Variants in LIN28B observed in about 807,000 individuals in gnomAD.
LIN28B encodes the protein lin-28 RNA binding posttranscriptional regulator B.
In LIN28B, 5 loss-of-function variants were observed where a neutral mutation model predicts 21.9. The ratio of observed to expected loss-of-function variants is 0.23; its 90% CI spans 0.12 to 0.48. The LOEUF (loss-of-function observed/expected upper bound fraction) is 0.48, where lower values mean the gene tolerates loss of function less well. Among genes scored for constraint, LIN28B ranks in the 20% least tolerant of loss-of-function variants. The probability of loss-of-function intolerance (pLI) is 0.98; values close to 1 mark genes in which losing one functional copy is unlikely to be tolerated. For synonymous variants in LIN28B, 109 were observed against 111.3 expected (o/e 0.98, Z 0.13); for missense variants, 245 against 310.5 (o/e 0.79, Z 1.58).
chr6:104,969,458 A>G (rs79473723), intron 2 of LIN28B, among the ~76,000 whole-genome samples: 3,304 of 151,952 alleles, frequency 0.022, 128 homozygotes, highest in African/African-American at 0.077. Context: ...CAACAACAAC[A>G]AAAAAAAGCC....
intron 2 of LIN28B, among the ~76,000 whole-genome samples, chr6:104,981,235 C>T (rs1280014500): frequency 6.6e-6 from 1 of 152,072 alleles, no homozygotes; most frequent in African/African-American, 2.4e-5. Flanking sequence ...TTTTTCTCAA[C>T]TTCTACCCCC....
At chr6:105,023,558 TATA>T (rs1425817752) in intron 2 of LIN28B, among the ~76,000 whole-genome samples, 54 of 3,876 alleles carry the variant, frequency 0.014, 24 homozygotes, top group African/African-American at 0.04. Flanking sequence ...ATAACCTATA[TATA>T]TATATAATAT....
At chr6:105,076,050 G>A (rs540252152) in intron 3 of LIN28B, among the ~76,000 whole-genome samples, 1 of 152,242 alleles carries the variant, frequency 6.6e-6, no homozygotes, top group South Asian at 2.1e-4. Context: ...TTTCAAATAT[G>A]TCATTTTTTA....
intron 2 of LIN28B, among the ~76,000 whole-genome samples, chr6:104,949,005 A>G (rs1778189107): frequency 1.3e-5 from 2 of 151,734 alleles, no homozygotes; most frequent in South Asian, 4.2e-4. Context: ...TATTAAACCT[A>G]TTTGTGATAG....
At chr6:104,981,118 G>GT (rs1343071101) in intron 2 of LIN28B, among the ~76,000 whole-genome samples, 6 of 152,014 alleles carry the variant, frequency 3.9e-5, no homozygotes, top group African/African-American at 9.7e-5. Context: ...CTTAGCCTTT[G>GT]TTTTTTTGTG....
chr6:104,991,227 C>T lies in LIN28B; in HGVS notation c.198+32941C>T, dbSNP rs1015454681. Among the ~76,000 whole-genome samples the T allele has an allele frequency of 6.7e-5, 10 of 149,246 alleles. No individual in the cohort carries two copies. The East Asian group carries it at 1.9e-3, about 28-fold the overall frequency. Reference sequence around the variant, plus strand: ...CTCCCAGACGGGGTGGCTGGCCGGGCGGGGGCTGCCCCCTGCCTCCCTCCC... The same window carrying T: ...CTCCCAGACGGGGTGGCTGGCCGGGTGGGGGCTGCCCCCTGCCTCCCTCCC... On this transcript the variant is annotated intron_variant, in intron 2 of 3. Coordinates refer to ENST00000345080, the MANE Select transcript of LIN28B (RefSeq NM_001004317.4).
At chr6:104,963,191 C>T (rs1050850022) in intron 2 of LIN28B, among the ~76,000 whole-genome samples, 1 of 152,040 alleles carries the variant, frequency 6.6e-6, no homozygotes, top group Non-Finnish European at 1.5e-5. Flanking sequence ...GGACTACAGG[C>T]GCCCGCCACC....
chr6:104,946,717 G>A (rs73771026), intron 2 of LIN28B, among the ~76,000 whole-genome samples: 1 of 152,070 alleles, frequency 6.6e-6, no homozygotes, highest in African/African-American at 2.4e-5. Context: ...AGAAAAATGT[G>A]TGTTGCTTTC....
chr6:105,021,598 T>G (rs908115989), intron 2 of LIN28B, among the ~76,000 whole-genome samples: 5 of 152,238 alleles, frequency 3.3e-5, no homozygotes, highest in African/African-American at 1.2e-4. Flanking sequence ...ATTAGTGATG[T>G]AACGTTGAAC....
upstream of LIN28B, among the ~76,000 whole-genome samples, chr6:104,952,153 T>G (rs560674159): frequency 1.3e-5 from 2 of 152,342 alleles, no homozygotes; most frequent in African/African-American, 4.8e-5. Context: ...TAAAGAATAC[T>G]TTTATTCATT....
intron 3 of LIN28B, among the ~76,000 whole-genome samples, chr6:105,071,153 C>T (rs1194214841): frequency 2.0e-5 from 3 of 152,154 alleles, no homozygotes; most frequent in Non-Finnish European, 4.4e-5. Context: ...GCTGAGATTA[C>T]AGGCATGAGC....
rs767755501 is a variant in LIN28B, at chr6:105,024,059, G to A, written c.199-2239G>A. Among the ~76,000 whole-genome samples, 5 of 151,734 alleles carry A rather than the reference G, an allele frequency of 3.3e-5. No individual in the cohort carries two copies. In the East Asian group the frequency reaches 7.7e-4, roughly 23 times the overall value. On this transcript the variant is annotated intron_variant, in intron 2 of 3. Coordinates refer to ENST00000345080, the MANE Select transcript of LIN28B (RefSeq NM_001004317.4). ...GTGCAGTGACACGATCTCGATCTCC[G>A]CTCACTGCAACCTCCGCCTCCCAGG...
chr6:105,004,278 G>T (rs923993537), intron 2 of LIN28B, among the ~76,000 whole-genome samples: 2 of 152,030 alleles, frequency 1.3e-5, no homozygotes, highest in Non-Finnish European at 2.9e-5. Flanking sequence ...ACACACCCAG[G>T]ATCAATACTT....
At chr6:105,021,080 C>A (rs568482899) in intron 2 of LIN28B, among the ~76,000 whole-genome samples, 4 of 152,010 alleles carry the variant, frequency 2.6e-5, no homozygotes, top group Non-Finnish European at 5.9e-5. Flanking sequence ...TACATCCATG[C>A]GTACAAATTT....
intron 2 of LIN28B, among the ~76,000 whole-genome samples, chr6:105,023,657 A>T (rs1321843403): frequency 2.1e-5 from 1 of 47,172 alleles, no homozygotes; most frequent in Non-Finnish European, 4.0e-5. Context: ...TAATATATAT[A>T]TATTTTTTTG....
At chr6:104,945,163 GAA>G (rs943006380) in intron 2 of LIN28B, among the ~76,000 whole-genome samples, 61 of 152,112 alleles carry the variant, frequency 4.0e-4, no homozygotes, top group African/African-American at 1.4e-3. Context: ...TAACATTTTA[GAA>G]AAAATCTGTA....
intron 2 of LIN28B, among the ~76,000 whole-genome samples, chr6:104,967,832 C>T (rs1177394796): frequency 6.6e-6 from 1 of 151,920 alleles, no homozygotes; most frequent in Non-Finnish European, 1.5e-5. Context: ...GCGTGCACCA[C>T]CATGCCTGGC....
At chr6:105,001,315 A>T (rs1404410312) in intron 2 of LIN28B, among the ~76,000 whole-genome samples, 2 of 152,228 alleles carry the variant, frequency 1.3e-5, no homozygotes, top group Non-Finnish European at 2.9e-5. Context: ...ATATACATAA[A>T]TCACACTTTT....
intron 2 of LIN28B, among the ~76,000 whole-genome samples, chr6:104,946,307 A>G (rs1778155860): frequency 6.6e-6 from 1 of 151,996 alleles, no homozygotes; most frequent in Non-Finnish European, 1.5e-5. Flanking sequence ...CCTGTGTATG[A>G]TTGAGGGTAC....
Sources: allele counts gnomAD v4.1 joint callset (sites outside exome capture counted in the v4.1 genomes callset), GRCh38; gene constraint gnomAD v4.1.1; transcripts MANE v1.5; gene names NCBI Gene and HGNC (gene_info 2026-07-23, HGNC 2026-07-21).